The following RELCH variants were observed in gnomAD, a reference collection of about 807,000 sequenced individuals.
RELCH encodes the protein RAB11 binding and LisH domain, coiled-coil and HEAT repeat containing, also known as RAB11-binding protein RELCH.
In RELCH, 41 loss-of-function variants were observed where a neutral mutation model predicts 150.3. The observed-to-expected ratio is 0.27, with a 90% CI of 0.21 to 0.35. The LOEUF (loss-of-function observed/expected upper bound fraction) is 0.35, where lower values mean the gene tolerates loss of function less well. Ranked by LOEUF, RELCH falls within the 10% of genes least tolerant of loss-of-function variation. The pLI, the probability that RELCH is intolerant of heterozygous loss-of-function variation, is 1.00. For synonymous variants in RELCH, 478 were observed against 531.8 expected (o/e 0.90, Z 1.39); for missense variants, 1,092 against 1,467.8 (o/e 0.74, Z 4.18).
chr18:62,235,385 G>A (rs2041828707), intron 10 of RELCH: 1 of 151,986 alleles, frequency 6.6e-6, no homozygotes, highest in South Asian at 2.1e-4. Context: ...AGTAAGTTTT[G>A]AAATTGGGAT....
chr18:62,218,033 A>G (rs1157927444), intron 2 of RELCH, among the ~76,000 whole-genome samples: 2 of 152,016 alleles, frequency 1.3e-5, no homozygotes, highest in East Asian at 3.8e-4. Flanking sequence ...AGTAAAGGTG[A>G]TGATAGTACT....
intron 2 of RELCH, among the ~76,000 whole-genome samples, chr18:62,213,153 A>G (rs1380731161): frequency 6.6e-6 from 1 of 152,116 alleles, no homozygotes; most frequent in African/African-American, 2.4e-5. Context: ...AGCACTTGTT[A>G]TATATATTAG....
chr18:62,191,764 T>C (rs1158678666), intron 1 of RELCH, among the ~76,000 whole-genome samples: 1 of 152,218 alleles, frequency 6.6e-6, no homozygotes, highest in Non-Finnish European at 1.5e-5. Flanking sequence ...ATGGTGTGCA[T>C]GTATCACATT....
chr18:62,307,120 T>C lies in RELCH; in HGVS notation c.*1586T>C, dbSNP rs1411741924. On this transcript the variant is annotated 3_prime_UTR_variant, in exon 29 of 29. Transcript: ENST00000644646. ...AATAAAATGTTTTTGCATATGTTTT[T>C]GATTTGGTTTGGGCTATGCATTTTA... 1 of 152,210 alleles carries C rather than the reference T, an allele frequency of 6.6e-6. No individual in the cohort carries two copies. The highest frequency in any genetic ancestry group is 1.5e-5 in the Non-Finnish European group (1 of 68,018). The allele number at this position is 152,210 out of a possible 1,614,324, so 9.4% of individuals were successfully genotyped here.
chr18:62,251,834 G>A (rs2042718784), intron 11 of RELCH, among the ~76,000 whole-genome samples: 1 of 152,080 alleles, frequency 6.6e-6, no homozygotes. Context: ...GTATGTGTGG[G>A]AAGGTAATTT....
At chr18:62,263,854 A>C (rs2043403807) in intron 16 of RELCH, 135 bp from the exon 17 acceptor site, 2 of 594,854 alleles carry the variant, frequency 3.4e-6, no homozygotes, top group Non-Finnish European at 5.6e-6. Context: ...AGTGTATTTC[A>C]ATTTTATATT....
At position 62,307,093 on chromosome 18, in the gene RELCH, T is replaced by G. The variant is rs1334337493; in HGVS notation, c.*1559T>G. 6.6e-6 allele frequency: 1 copy of G among 152,270 alleles called. No individual in the cohort carries two copies. The highest frequency in any genetic ancestry group is 2.4e-5 in the African/African-American group (1 of 41,462). 9.4% of individuals were successfully genotyped at this position (152,270 alleles called of 1,614,324 possible). A position where few individuals can be genotyped will look rare whatever the true frequency, so the allele number is the denominator to read the frequency against. On this transcript the variant is annotated 3_prime_UTR_variant, in exon 29 of 29. Transcript: ENST00000644646. ...TCATGTCAAAAATGTTGATCTATTA[T>G]AAATAAAATGTTTTTGCATATGTTT... is the stretch of plus-strand genomic sequence containing the variant.
chr18:62,216,385 C>T (rs560582435), intron 2 of RELCH, among the ~76,000 whole-genome samples: 1 of 152,116 alleles, frequency 6.6e-6, no homozygotes, highest in Non-Finnish European at 1.5e-5. Flanking sequence ...TTCAGGTTCA[C>T]AAGATCCATC....
intron 25 of RELCH, among the ~76,000 whole-genome samples, chr18:62,283,933 G>A (rs1463685204): frequency 6.6e-6 from 1 of 152,148 alleles, no homozygotes; most frequent in Non-Finnish European, 1.5e-5. Context: ...CGGGTCTTTG[G>A]TGTGTGCAGT....
At chr18:62,270,193 C>T (rs2144796761) in intron 20 of RELCH, among the ~76,000 whole-genome samples, 1 of 152,268 alleles carries the variant, frequency 6.6e-6, no homozygotes, top group African/African-American at 2.4e-5. Context: ...GCTAACGCCT[C>T]CCAAGAATGA....
intron 1 of RELCH, among the ~76,000 whole-genome samples, chr18:62,194,685 T>G (rs954761572): frequency 6.6e-6 from 1 of 152,366 alleles, no homozygotes. Context: ...AGCATGTCGA[T>G]TGATACTACT....
intron 17 of RELCH, 120 bp downstream of exon 17, chr18:62,264,265 C>G: frequency 1.4e-6 from 1 of 714,390 alleles, no homozygotes; most frequent in Non-Finnish European, 2.3e-6. Context: ...TTGGTAAACA[C>G]CTTTAGGACA....
At chr18:62,251,607 A>C (rs530733611) in intron 11 of RELCH, among the ~76,000 whole-genome samples, 16 of 152,224 alleles carry the variant, frequency 1.1e-4, no homozygotes, top group Non-Finnish European at 1.9e-4. Context: ...GTCTGCACTC[A>C]AAGAGATGCG....
intron 8 of RELCH, among the ~76,000 whole-genome samples, chr18:62,230,742 A>G (rs2041517378): frequency 6.6e-6 from 1 of 152,096 alleles, no homozygotes; most frequent in South Asian, 2.1e-4. Flanking sequence ...ATTCAGATTT[A>G]TCATTAGCAT....
At chr18:62,245,726 A>G (rs139854096) in intron 11 of RELCH, 33 of 152,266 alleles carry the variant, frequency 2.2e-4, no homozygotes, top group African/African-American at 7.7e-4. Context: ...GACTAATTCA[A>G]TTTCTTGTAA....
intron 10 of RELCH, among the ~76,000 whole-genome samples, chr18:62,243,715 A>G (rs1229046772): frequency 6.6e-6 from 1 of 152,066 alleles, no homozygotes; most frequent in African/African-American, 2.4e-5. Context: ...TAGACTTTTT[A>G]TCATGCTTTT....
intron 25 of RELCH, among the ~76,000 whole-genome samples, chr18:62,285,119 TTTTG>T (rs61686710): frequency 0.075 from 11,359 of 150,802 alleles, 522 homozygotes; most frequent in South Asian, 0.18. Flanking sequence ...ATATACAGTT[TTTTG>T]TTTGTTTGTT....
intron 1 of RELCH, among the ~76,000 whole-genome samples, chr18:62,208,062 C>T (rs2039922942): frequency 6.6e-6 from 1 of 152,160 alleles, no homozygotes; most frequent in Admixed American, 6.5e-5. Flanking sequence ...CTGCAACTTA[C>T]CATCTCTTTT....
intron 10 of RELCH, among the ~76,000 whole-genome samples, chr18:62,240,171 A>G (rs1216972605): frequency 6.6e-6 from 1 of 151,992 alleles, no homozygotes; most frequent in Non-Finnish European, 1.5e-5. Flanking sequence ...CAAGTAGAGT[A>G]CTGATAAGCC....
Sources: allele counts gnomAD v4.1 joint callset (sites outside exome capture counted in the v4.1 genomes callset), GRCh38; gene constraint gnomAD v4.1.1; transcripts MANE v1.5; gene names NCBI Gene and HGNC (gene_info 2026-07-23, HGNC 2026-07-21).